The following RNF17 variants were observed in gnomAD, a reference collection of about 807,000 sequenced individuals.
RNF17 encodes the protein ring finger protein 17.
RNF17 carries 31 observed loss-of-function variants against 200.5 expected under a neutral mutation model. The observed-to-expected ratio is 0.15, with a 90% CI of 0.12 to 0.21. The LOEUF is 0.21. Ranked by LOEUF, RNF17 falls within the 10% of genes least tolerant of loss-of-function variation. RNF17 has a pLI of 1.00. For synonymous variants in RNF17, 606 were observed against 637.8 expected, an observed-to-expected ratio of 0.95 and a Z score of 0.75; for missense variants, 1,628 against 1,905.1, an observed-to-expected ratio of 0.85 and a Z score of 2.71.
At position 24,853,907 on chromosome 13, in the gene RNF17, C is replaced by T. The variant is rs201937483; in HGVS notation, c.3373C>T (p.Pro1125Ser). 127 of 1,613,242 alleles carry T rather than the reference C, an allele frequency of 7.9e-5. No homozygotes were observed. Among genetic ancestry groups the T allele is most frequent in the Non-Finnish European group, 1.1e-4 (127 of 1,179,698 alleles). ...HSLSEKSLEV[P>S]LEQEDSVVTN... ...ATTATCTGAGAAGTCTCTGGAAGTC[C>T]CCCTGGAACAGGAAGATTCAGTAGT... The change falls in exon 25 of 36, where the codon CCC (proline) becomes TCC (serine). Residue 1125 changes from proline to serine, a missense_variant. Physicochemically the swap from Pro to Ser is moderately conservative, Grantham distance 74. Coordinates refer to ENST00000255324, the MANE Select transcript of RNF17 (RefSeq NM_031277.3).
At chr13:24,828,464 T>G (rs1390826981) in intron 16 of RNF17, among the ~76,000 whole-genome samples, 1 of 152,128 alleles carries the variant, frequency 6.6e-6, no homozygotes, top group African/African-American at 2.4e-5. Flanking sequence ...TTACTTTTCA[T>G]TCTTTCAGCT....
intron 10 of RNF17, chr13:24,794,137 T>C: frequency 2.3e-6 from 1 of 443,288 alleles, no homozygotes; most frequent in Non-Finnish European, 4.5e-6. Context: ...GTTGTCTTTA[T>C]TTCTTATTTT....
chr13:24,841,818 C>T (rs1295812512), intron 18 of RNF17, among the ~76,000 whole-genome samples: 4 of 152,016 alleles, frequency 2.6e-5, no homozygotes, highest in Middle Eastern at 6.8e-3. Flanking sequence ...AAAAATTAGC[C>T]GGGCGTGGTG....
chr13:24,883,452 T>A, downstream of RNF17: 1 of 1,146,838 alleles, frequency 8.7e-7, no homozygotes, highest in Non-Finnish European at 1.2e-6. Context: ...AAAGTAGCCT[T>A]TTGAGTCTGG....
intron 15 of RNF17, among the ~76,000 whole-genome samples, chr13:24,810,631 G>T (rs1356645430): frequency 6.8e-6 from 1 of 146,796 alleles, no homozygotes; most frequent in African/African-American, 2.6e-5. Context: ...GGAGCACTTA[G>T]TCCATTTACA....
chr13:24,883,443 A>G (rs973062925), downstream of RNF17: 46 of 1,258,836 alleles, frequency 3.7e-5, no homozygotes, highest in East Asian at 1.2e-3. Flanking sequence ...AACTACTGAA[A>G]AGTAGCCTTT....
downstream of RNF17, chr13:24,884,080 T>C: frequency 6.3e-7 from 1 of 1,586,276 alleles, no homozygotes; most frequent in East Asian, 2.3e-5. Flanking sequence ...TGGGTAATGT[T>C]TTTCTGTTTA....
In RNF17 at chr13:24,877,039, A is replaced by C. The variant is rs1894936310; in HGVS notation, c.4626A>C (p.Arg1542=). The C allele has an allele frequency of 1.9e-6, 3 of 1,611,924 alleles. No homozygotes were observed. The highest frequency in any genetic ancestry group is 1.7e-5 in the Admixed American group (1 of 59,420). ...CTCATCTTATGCGGTATCCAGCTCG[A>C]GCCATAAAGGTTCTCTTGGCAGGGT... The part of the protein sequence containing the change: ...IPSHLMRYPA[R]AIKVLLAGFK... The change falls in exon 34 of 36, where the codon CGA becomes CGC. Residue 1542 remains arginine (R), a synonymous_variant. Coordinates refer to ENST00000255324, the MANE Select transcript of RNF17 (RefSeq NM_031277.3).
At position 24,764,212 on chromosome 13, in the gene RNF17, A is replaced by G. The variant is rs767392096; in HGVS notation, c.9A>G (p.Ala3=). 8.8e-6 allele frequency: 14 copies of G among 1,594,048 alleles called. No individual in the cohort carries two copies. In the Middle Eastern group the frequency reaches 5.0e-4, roughly 57 times the overall value. Residue 3 remains alanine (A), a synonymous_variant, in exon 1 of 36, where the codon GCA becomes GCG. Transcript: ENST00000255324. ...AGAAGAAAGAGACAGCGATGGCGGCAGAGGCTTCGAAGACTGGGCCTTCTA... is the reference window on the plus strand; with the variant it reads ...AGAAGAAAGAGACAGCGATGGCGGCGGAGGCTTCGAAGACTGGGCCTTCTA... MA[A]EASKTGPSRS...
chr13:24,874,084 A>G lies in RNF17; in HGVS notation c.4448-30A>G, dbSNP rs529673695. On this transcript the variant is annotated intron_variant, in intron 32 of 35. Transcript: ENST00000255324. ...TTAAAAAAATTTAATGAAAGACAAT[A>G]TGATTTTTTCCCTTTTTCTGTCTTT... The G allele has an allele frequency of 4.4e-6, 7 of 1,602,904 alleles. No individual in the cohort carries two copies. The African/African-American group carries it at 9.4e-5, about 22-fold the overall frequency.
chr13:24,838,420 G>A (rs528895274), intron 18 of RNF17, among the ~76,000 whole-genome samples: 1 of 152,250 alleles, frequency 6.6e-6, no homozygotes, highest in South Asian at 2.1e-4. Context: ...GAACATAGAT[G>A]TTAAAATCCT....
At chr13:24,800,330 A>T (rs750631328) in intron 12 of RNF17, 36 bp from the exon 13 acceptor site, 1 of 1,439,768 alleles carries the variant, frequency 6.9e-7, no homozygotes, top group Non-Finnish European at 9.5e-7. Flanking sequence ...AGTTTGAAGC[A>T]TTATTTTCAA....
intron 15 of RNF17, among the ~76,000 whole-genome samples, chr13:24,813,314 C>G (rs1268150787): frequency 6.6e-6 from 1 of 152,024 alleles, no homozygotes; most frequent in Non-Finnish European, 1.5e-5. Flanking sequence ...CACATACCAC[C>G]ACACCTGTCT....
rs1566168476 is a variant in RNF17, at chr13:24,812,687, T to TCCCCC, written c.2091+8258_2091+8259insCCCCC. Among the ~76,000 whole-genome samples the TCCCCC allele has an allele frequency of 4.0e-3, 98 of 24,738 alleles. 4 individuals carry two copies. Among genetic ancestry groups the TCCCCC allele is most frequent in the South Asian group, 0.017 (12 of 726 alleles). 16.2% of individuals were successfully genotyped at this position (24,738 alleles called of 152,430 possible). ...CCTCCCCTCCCCGCCCCACCCCCTT[T>TCCCCC]TTTTTTTTTTTTGAGACGCAGTCTC... On this transcript the variant is annotated intron_variant, in intron 15 of 35. Transcript: ENST00000255324.
intron 5 of RNF17, among the ~76,000 whole-genome samples, chr13:24,780,449 T>TAGTGGGGACA (rs1340310404): frequency 6.6e-6 from 1 of 152,206 alleles, no homozygotes. Context: ...GAATTTGGGA[T>TAGTGGGGACA]AGTGGGGACA....
At chr13:24,837,910 G>A (rs1890181636) in intron 18 of RNF17, among the ~76,000 whole-genome samples, 1 of 151,982 alleles carries the variant, frequency 6.6e-6, no homozygotes, top group Non-Finnish European at 1.5e-5. Context: ...TCTTTGAAAA[G>A]GTAAATAAAA....
the RNF17 span, among the ~76,000 whole-genome samples, chr13:24,754,728 GAAATA>G: frequency 6.6e-6 from 1 of 151,994 alleles, no homozygotes; most frequent in Non-Finnish European, 1.5e-5. Context: ...CATCTCTGCA[GAAATA>G]AAATAAAATA....
At chr13:24,869,095 G>A (rs1379413503) in intron 31 of RNF17, among the ~76,000 whole-genome samples, 1 of 148,448 alleles carries the variant, frequency 6.7e-6, no homozygotes, top group Admixed American at 6.7e-5. Context: ...ATGTTTGTCT[G>A]CCTCCCCTTA....
chr13:24,812,948 C>T (rs922540581), intron 15 of RNF17, among the ~76,000 whole-genome samples: 1 of 151,972 alleles, frequency 6.6e-6, no homozygotes, highest in African/African-American at 2.4e-5. Context: ...TCCCTAAGTG[C>T]TGGGATTACA....
Sources: gnomAD v4.1 joint callset for allele counts (sites outside exome capture counted in the v4.1 genomes callset) on GRCh38, gnomAD v4.1.1 for gene constraint, MANE v1.5 for transcripts, NCBI Gene and HGNC (gene_info 2026-07-23, HGNC 2026-07-21) for gene names.